The following EYS variants were observed in gnomAD, a reference collection of about 807,000 sequenced individuals.
EYS encodes the protein protein eyes shut homolog.
In EYS, 250 loss-of-function variants were observed where a neutral mutation model predicts 282.1. The observed-to-expected ratio is 0.89, with a 90% CI of 0.80 to 0.98. The LOEUF (loss-of-function observed/expected upper bound fraction) is 0.98, where lower values mean the gene tolerates loss of function less well. Ranked by LOEUF, EYS falls within the 50% of genes least tolerant of loss-of-function variation. EYS has a pLI of 0.00. For missense variants in EYS, 4,016 were observed against 3,709.0 expected (o/e 1.08, Z -2.15); for synonymous variants, 1,355 against 1,282.9 (o/e 1.06, Z -1.20).
At chr6:65,533,576 T>A (rs367682392) in intron 2 of EYS, among the ~76,000 whole-genome samples, 9 of 152,040 alleles carry the variant, frequency 5.9e-5, no homozygotes, top group Non-Finnish European at 1.3e-4. Flanking sequence ...ATCCCTAATG[T>A]GGTGGTACTG....
intron 15 of EYS, among the ~76,000 whole-genome samples, chr6:64,944,600 G>A (rs1769210817): frequency 6.6e-6 from 1 of 152,040 alleles, no homozygotes; most frequent in African/African-American, 2.4e-5. Flanking sequence ...ATGGCCTCCT[G>A]GGATGAGAAA....
Position 65,493,607 on chromosome 6 carries a change from CT to C in EYS, c.748+1055del, listed in dbSNP as rs536095809. The stretch of plus-strand genomic sequence containing the variant: ...TTTCCTCCGATGACCCCAGAATCCT[CT>C]AGTATATTCTCAAGTAGAGAGAGTT... On this transcript the variant is annotated intron_variant, in intron 4 of 42. Coordinates refer to ENST00000503581, the MANE Select transcript of EYS (RefSeq NM_001142800.2). Among the ~76,000 whole-genome samples the C allele has an allele frequency of 1.2e-4, 18 of 152,254 alleles. No individual in the cohort carries two copies. The East Asian group carries it at 3.3e-3, about 28-fold the overall frequency.
Position 64,439,465 on chromosome 6 carries a change from G to T in EYS, c.5645-113C>A, listed in dbSNP as rs569344905. 70 of 629,884 alleles carry T rather than the reference G, an allele frequency of 1.1e-4. No individual in the cohort carries two copies. The African/African-American group carries it at 1.2e-3, about 10-fold the overall frequency. 39.0% of individuals were successfully genotyped at this position (629,884 alleles called of 1,614,324 possible). A position where few individuals can be genotyped will look rare whatever the true frequency, so the allele number is the denominator to read the frequency against. On this transcript the variant is annotated intron_variant, in intron 26 of 42. Coordinates refer to ENST00000503581, the MANE Select transcript of EYS (RefSeq NM_001142800.2). ...CTAATGACTCATACGTCTCTTTCCT[G>T]CCTCTTTCAAGCCCAGGCACTTCTT...
chr6:63,966,955 T>A (rs1485681630), intron 35 of EYS, among the ~76,000 whole-genome samples: 1 of 152,188 alleles, frequency 6.6e-6, no homozygotes, highest in Non-Finnish European at 1.5e-5. Context: ...CTTTTATATA[T>A]GTATATATAT....
chr6:64,991,846 A>G (rs1031736471), intron 14 of EYS, among the ~76,000 whole-genome samples: 1 of 151,794 alleles, frequency 6.6e-6, no homozygotes, highest in Non-Finnish European at 1.5e-5. Context: ...AATTTTTCAG[A>G]TCATCCATTA....
At chr6:64,710,190 T>A (rs1180649610) in intron 22 of EYS, among the ~76,000 whole-genome samples, 2 of 152,248 alleles carry the variant, frequency 1.3e-5, no homozygotes, top group African/African-American at 2.4e-5. Flanking sequence ...GTAATTTGTC[T>A]AAGGTTAGAC....
chr6:64,394,468 A>T (rs1773285220), intron 28 of EYS, among the ~76,000 whole-genome samples: 1 of 152,184 alleles, frequency 6.6e-6, no homozygotes, highest in Non-Finnish European at 1.5e-5. Flanking sequence ...GCCCTCCGAA[A>T]TAACGCCGCA....
At chr6:63,845,858 G>T (rs1387577243) in intron 36 of EYS, among the ~76,000 whole-genome samples, 1 of 152,198 alleles carries the variant, frequency 6.6e-6, no homozygotes, top group African/African-American at 2.4e-5. Flanking sequence ...TGCAGGATGG[G>T]AAATTGTATA....
At chr6:64,329,376 G>T (rs796832904) in intron 29 of EYS, among the ~76,000 whole-genome samples, 5 of 152,228 alleles carry the variant, frequency 3.3e-5, no homozygotes, top group African/African-American at 1.2e-4. Flanking sequence ...CTTTACACTA[G>T]AAGGGGACAT....
chr6:64,824,928 C>G (rs1391904837), intron 19 of EYS, among the ~76,000 whole-genome samples: 1 of 151,870 alleles, frequency 6.6e-6, no homozygotes, highest in Non-Finnish European at 1.5e-5. Flanking sequence ...AATGGAATAA[C>G]TAGCCAATGT....
At chr6:65,523,703 T>G (rs1213298964) in intron 2 of EYS, among the ~76,000 whole-genome samples, 3 of 152,132 alleles carry the variant, frequency 2.0e-5, no homozygotes, top group East Asian at 3.9e-4. Context: ...AAAAAAAAGT[T>G]TAAATGTTTA....
chr6:64,826,965 G>A (rs901387684), intron 19 of EYS, among the ~76,000 whole-genome samples: 5 of 151,222 alleles, frequency 3.3e-5, no homozygotes, highest in African/African-American at 4.9e-5. Context: ...CTTTCTTGTC[G>A]CTGCTCTGAT....
intron 7 of EYS, among the ~76,000 whole-genome samples, chr6:65,390,923 A>G (rs561434040): frequency 1.3e-5 from 2 of 152,124 alleles, no homozygotes; most frequent in Admixed American, 6.6e-5. Context: ...TACATTGTGG[A>G]TACTTGGAAA....
chr6:65,331,666 T>C (rs1035555401), intron 11 of EYS: 17 of 979,646 alleles, frequency 1.7e-5, no homozygotes, highest in African/African-American at 3.5e-5. Context: ...GGAAATAACA[T>C]CACAAAACGA....
At chr6:64,804,004 G>A (rs949445591) in intron 22 of EYS, among the ~76,000 whole-genome samples, 1 of 152,172 alleles carries the variant, frequency 6.6e-6, no homozygotes, top group Non-Finnish European at 1.5e-5. Context: ...AACCGACTTG[G>A]AAGGGGGCGT....
intron 22 of EYS, among the ~76,000 whole-genome samples, chr6:64,727,581 C>A (rs2132279): frequency 1 from 152,064 of 152,316 alleles, 75,906 homozygotes; most frequent in Non-Finnish European, 1. Context: ...TCCGGAAAAA[C>A]AATCCTTGAA....
In EYS at chr6:64,125,143, A is replaced by ACTCTCT. The variant is rs1562213495; in HGVS notation, c.6425-43142_6425-43141insAGAGAG. ...TTCTGATGATGTCAAACACACACAC[A>ACTCTCT]CACACTCTCTGTCTCTCTCTCTCTC... On this transcript the variant is annotated intron_variant, in intron 31 of 42. Transcript: ENST00000503581. Among the ~76,000 whole-genome samples the ACTCTCT allele has an allele frequency of 1.3e-4, 19 of 147,380 alleles. 1 individual carries two copies. Among genetic ancestry groups the ACTCTCT allele is most frequent in the African/African-American group, 4.5e-4 (17 of 37,822 alleles).
intron 9 of EYS, 132 bp downstream of exon 9, chr6:65,353,326 G>T: frequency 2.7e-6 from 2 of 736,412 alleles, no homozygotes; most frequent in East Asian, 5.5e-5. Context: ...GAAAATAAGA[G>T]TATTAATTTT....
At chr6:64,166,721 T>C (rs923281313) in intron 31 of EYS, among the ~76,000 whole-genome samples, 1 of 152,202 alleles carries the variant, frequency 6.6e-6, no homozygotes, top group Non-Finnish European at 1.5e-5. Context: ...AATGTTTATG[T>C]TCTTTCATTC....
Sources: gnomAD v4.1 joint callset for allele counts (sites outside exome capture counted in the v4.1 genomes callset) on GRCh38, gnomAD v4.1.1 for gene constraint, MANE v1.5 for transcripts, NCBI Gene and HGNC (gene_info 2026-07-23, HGNC 2026-07-21) for gene names.